GRIP1: variants seen among roughly 807,000 people sequenced by gnomAD.
GRIP1 encodes the protein glutamate receptor interacting protein 1, also known as glutamate receptor-interacting protein 1.
GRIP1 carries 45 observed loss-of-function variants against 129.9 expected under a neutral mutation model. That is an observed-to-expected ratio of 0.35 (90% confidence interval 0.27 to 0.44). GRIP1 has a LOEUF of 0.44. Ranked by LOEUF, GRIP1 falls within the 20% of genes least tolerant of loss-of-function variation. The probability of loss-of-function intolerance (pLI) is 1.00; values close to 1 mark genes in which losing one functional copy is unlikely to be tolerated. For synonymous variants in GRIP1, 530 were observed against 520.8 expected (o/e 1.02, Z -0.24); for missense variants, 1,196 against 1,396.8 (o/e 0.86, Z 2.29).
intron 1 of GRIP1, among the ~76,000 whole-genome samples, chr12:67,001,300 C>G (rs1285929443): frequency 2.0e-5 from 3 of 152,112 alleles, no homozygotes; most frequent in Non-Finnish European, 4.4e-5. Flanking sequence ...TGTGGGCTAT[C>G]TAAATTCTGT....
chr12:67,067,677 T>C (rs975563260), intron 1 of GRIP1, among the ~76,000 whole-genome samples: 33 of 152,130 alleles, frequency 2.2e-4, no homozygotes, highest in African/African-American at 6.8e-4. Context: ...CAAAGACAGG[T>C]TGTGCCACCT....
intron 1 of GRIP1, among the ~76,000 whole-genome samples, chr12:67,051,450 A>C (rs1479851224): frequency 6.6e-6 from 1 of 152,170 alleles, no homozygotes; most frequent in Non-Finnish European, 1.5e-5. Flanking sequence ...GTAGATTGAT[A>C]CTCTGGCAAA....
intron 1 of GRIP1, among the ~76,000 whole-genome samples, chr12:67,016,199 G>C (rs1012406021): frequency 4.6e-5 from 7 of 152,040 alleles, no homozygotes; most frequent in African/African-American, 1.7e-4. Flanking sequence ...GAAATAAAAT[G>C]GTTCCTTTCT....
chr12:66,882,048 G>GCT (rs1356218475), intron 1 of GRIP1, among the ~76,000 whole-genome samples: 1 of 151,722 alleles, frequency 6.6e-6, no homozygotes, highest in African/African-American at 2.4e-5. Flanking sequence ...CTGTGTACTT[G>GCT]CTCCTTTCTT....
intron 1 of GRIP1, among the ~76,000 whole-genome samples, chr12:66,629,195 C>A (rs1451947242): frequency 6.6e-6 from 1 of 152,178 alleles, no homozygotes; most frequent in African/African-American, 2.4e-5. Flanking sequence ...CTCTATTCCA[C>A]AAGAAAATAT....
At chr12:66,729,210 T>G (rs1281554504) in intron 1 of GRIP1, among the ~76,000 whole-genome samples, 1 of 152,266 alleles carries the variant, frequency 6.6e-6, no homozygotes, top group East Asian at 1.9e-4. Context: ...TCTTGACTGC[T>G]AGCATTAAAG....
In GRIP1 at chr12:66,874,602, G is replaced by A. The variant is rs375600604; in HGVS notation, c.58+194448C>T. On this transcript the variant is annotated intron_variant, in intron 1 of 1. Coordinates refer to the GRIP1 transcript ENST00000643019. ...GAAACTTACAATCATGGAAGAAGGCGAAGGGAGAGCTAGCACTTCACATGG... is the reference window on the plus strand; with the variant it reads ...GAAACTTACAATCATGGAAGAAGGCAAAGGGAGAGCTAGCACTTCACATGG... Among the ~76,000 whole-genome samples, 22 of 152,148 alleles carry A rather than the reference G, an allele frequency of 1.4e-4. 1 individual carries two copies. Among genetic ancestry groups the A allele is most frequent in the East Asian group, 5.8e-4 (3 of 5,174 alleles).
intron 1 of GRIP1, among the ~76,000 whole-genome samples, chr12:66,992,180 G>A (rs1014969633): frequency 3.9e-5 from 6 of 152,100 alleles, no homozygotes; most frequent in Middle Eastern, 3.2e-3. Context: ...ATTTATGAAC[G>A]TCAAAATTTG....
In GRIP1 at chr12:66,645,115, C is replaced by A. The variant is rs1402584843; in HGVS notation, c.55+33735G>T. Among the ~76,000 whole-genome samples the A allele has an allele frequency of 3.3e-4, 50 of 152,144 alleles. 1 individual carries two copies. The highest frequency in any genetic ancestry group is 3.2e-3 in the Admixed American group (49 of 15,272). On this transcript the variant is annotated intron_variant, in intron 1 of 24. Transcript: ENST00000359742. ...ATCATGGTATCTTTTTCAACTTCTA[C>A]AAATAACAATTTTTAAATGAAAAAT...
Position 66,596,899 on chromosome 12 carries a change from G to A in GRIP1, c.84C>T (p.Ser28=). 6.2e-7 allele frequency: 1 copy of A among 1,613,328 alleles called. No individual in the cohort carries two copies. Among genetic ancestry groups the A allele is most frequent in the Non-Finnish European group, 8.5e-7 (1 of 1,179,304 alleles). The part of the protein sequence containing the change: ...KDESPYTKSA[S]QTKPPDGALA... ...ACGCTCCATCAGGCGGCTTTGTCTGGCTGGCGGATTTAGTGTAGGGACTCT... is the reference window on the plus strand; with the variant it reads ...ACGCTCCATCAGGCGGCTTTGTCTGACTGGCGGATTTAGTGTAGGGACTCT... Residue 28 remains serine, a synonymous_variant, in exon 2 of 25, where the codon AGC becomes AGT. Coordinates refer to ENST00000359742, the MANE Select transcript of GRIP1 (RefSeq NM_001366722.1).
intron 1 of GRIP1, among the ~76,000 whole-genome samples, chr12:67,066,198 A>G (rs2135906073): frequency 6.6e-6 from 1 of 152,328 alleles, no homozygotes; most frequent in Non-Finnish European, 1.5e-5. Flanking sequence ...CGAGTAATGA[A>G]TGGTGTGTAG....
chr12:66,796,177 T>C (rs2038691961), intron 1 of GRIP1, among the ~76,000 whole-genome samples: 3 of 151,856 alleles, frequency 2.0e-5, no homozygotes, highest in African/African-American at 7.3e-5. Context: ...AAAATAAAGG[T>C]TTTCTCCAGT....
At chr12:66,465,808 C>A (rs749325015) in intron 7 of GRIP1, among the ~76,000 whole-genome samples, 1 of 150,942 alleles carries the variant, frequency 6.6e-6, no homozygotes. Flanking sequence ...TTAGCACCTA[C>A]CAGGAATAAA....
chr12:66,404,223 A>G (rs1264572514), intron 16 of GRIP1, among the ~76,000 whole-genome samples: 4 of 152,256 alleles, frequency 2.6e-5, no homozygotes, highest in Admixed American at 2.0e-4. Flanking sequence ...ATTTGGATAT[A>G]ATCATTATTA....
intron 11 of GRIP1, among the ~76,000 whole-genome samples, chr12:66,449,622 G>A (rs529490639): frequency 3.3e-5 from 5 of 152,252 alleles, no homozygotes; most frequent in African/African-American, 1.2e-4. Flanking sequence ...TAGATCACAT[G>A]TTCTAGTGTG....
chr12:66,993,460 T>C (rs185557149), intron 1 of GRIP1, among the ~76,000 whole-genome samples: 6 of 151,786 alleles, frequency 4.0e-5, no homozygotes, highest in African/African-American at 7.3e-5. Context: ...TTAGGCTACA[T>C]TGACCAAGAA....
chr12:66,967,236 G>C (rs2042011409), intron 1 of GRIP1, among the ~76,000 whole-genome samples: 1 of 151,994 alleles, frequency 6.6e-6, no homozygotes, highest in South Asian at 2.1e-4. Flanking sequence ...GTGATGTTTT[G>C]ATACATGTAT....
intron 1 of GRIP1, among the ~76,000 whole-genome samples, chr12:66,664,105 AT>A (rs199723782): frequency 1.2e-3 from 170 of 145,952 alleles, no homozygotes; most frequent in Middle Eastern, 3.5e-3. Flanking sequence ...GGGAGATTAC[AT>A]TTTTTTTTTT....
At chr12:66,685,276 G>C (rs1426500250) in intron 1 of GRIP1, among the ~76,000 whole-genome samples, 1 of 152,022 alleles carries the variant, frequency 6.6e-6, no homozygotes, top group Non-Finnish European at 1.5e-5. Context: ...TTTGGGGGCA[G>C]GGGGAAGTAT....
Sources: allele counts gnomAD v4.1 joint callset (sites outside exome capture counted in the v4.1 genomes callset), GRCh38; gene constraint gnomAD v4.1.1; transcripts MANE v1.5; gene names NCBI Gene and HGNC (gene_info 2026-07-23, HGNC 2026-07-21).